Variants in DDX60L observed in about 807,000 individuals in gnomAD.
DDX60L encodes the protein DExD/H-box 60 like.
Under a neutral mutation model 211.6 loss-of-function variants are expected in DDX60L, and 191 were observed. The ratio of observed to expected loss-of-function variants is 0.90; its 90% confidence interval spans 0.80 to 1.02. The LOEUF (loss-of-function observed/expected upper bound fraction) is 1.02. Among genes scored for constraint, DDX60L ranks in the 50% least tolerant of loss-of-function variants. The pLI is 0.00. For synonymous variants in DDX60L, 706 were observed against 694.1 expected, an observed-to-expected ratio of 1.02 and a Z score of -0.27; for missense variants, 2,007 against 1,984.1, an observed-to-expected ratio of 1.01 and a Z score of -0.22.
chr4:168,388,269 G>A (rs1197714748), intron 29 of DDX60L, among the ~76,000 whole-genome samples: 1 of 152,182 alleles, frequency 6.6e-6, no homozygotes. Context: ...AAAGGGCTAG[G>A]ATTTCAATCA....
At chr4:168,468,903 G>A (rs1308076641) in intron 4 of DDX60L, 1 of 152,098 alleles carries the variant, frequency 6.6e-6, no homozygotes, top group Non-Finnish European at 1.5e-5. Context: ...AATAGATTTA[G>A]CAAAAGATGT....
At chr4:168,386,815 A>G (rs544885324) in intron 29 of DDX60L, among the ~76,000 whole-genome samples, 6 of 152,228 alleles carry the variant, frequency 3.9e-5, no homozygotes, top group Non-Finnish European at 8.8e-5. Context: ...AAGCAAGAAG[A>G]CAGAGATTAG....
chr4:168,427,338 AG>A lies in DDX60L; in HGVS notation c.1678-17del, dbSNP rs201145503. 9.5e-4 allele frequency: 1,528 copies of A among 1,603,388 alleles called. 11 individuals carry two copies. In the African/African-American group the frequency reaches 0.018, roughly 19 times the overall value. On this transcript the variant is annotated splice_polypyrimidine_tract_variant and intron_variant, in intron 13 of 37. Transcript: ENST00000682922. Reference sequence around the variant, plus strand: ...GTTTGGTATTCTGCTCAATAATAAAAGGAACATATGAAACAAGTGGGAAAAT... The same window carrying A: ...GTTTGGTATTCTGCTCAATAATAAAAGAACATATGAAACAAGTGGGAAAAT...
At position 168,371,702 on chromosome 4, in the gene DDX60L, A is replaced by C; in HGVS notation, c.4838T>G (p.Leu1613Ter). The C allele has an allele frequency of 2.5e-6, 4 of 1,612,422 alleles. No individual in the cohort carries two copies. The highest frequency in any genetic ancestry group is 3.4e-6 in the Non-Finnish European group (4 of 1,179,092). ...TGGCATTCTCCTTCCTCGGTTATCT[A>C]ATTTCCATGGCCACAGCAGAGGAGC... Reference protein sequence around the residue: ...TQAPLLWPWKLDNRGRRMPLN... With the variant: ...TQAPLLWPWK Residue 1613 changes from leucine (L) to a stop codon, truncating the protein, a stop_gained, in exon 36 of 38, where the codon TTA (leucine) becomes TGA (stop). Coordinates refer to ENST00000682922, the MANE Select transcript of DDX60L (RefSeq NM_001012967.3). LOFTEE classifies it high-confidence loss of function.
intron 16 of DDX60L, among the ~76,000 whole-genome samples, 194 bp downstream of exon 16, chr4:168,422,330 T>C (rs1204083884): frequency 6.6e-6 from 1 of 152,190 alleles, no homozygotes; most frequent in African/African-American, 2.4e-5. Context: ...CTTCCACTGA[T>C]GGTGAAAATA....
chr4:168,361,093 T>C, intron 37 of DDX60L, 56 bp downstream of exon 37: 1 of 1,244,430 alleles, frequency 8.0e-7, no homozygotes, highest in Non-Finnish European at 1.2e-6. Context: ...AAGAGCTATA[T>C]GTTTGCTAAA....
At position 168,422,056 on chromosome 4, in the gene DDX60L, T is replaced by G; in HGVS notation, c.2245-147A>C. ...CTGAACCCCTGAAGATTAGGTCTGGTGAACACTCGAAGGATTCAGGAAAAT... is the reference window on the plus strand; with the variant it reads ...CTGAACCCCTGAAGATTAGGTCTGGGGAACACTCGAAGGATTCAGGAAAAT... On this transcript the variant is annotated intron_variant, in intron 16 of 37. Transcript: ENST00000682922. The G allele has an allele frequency of 2.1e-6, 2 of 931,888 alleles. 1 individual carries two copies. The highest frequency in any genetic ancestry group is 3.5e-5 in the South Asian group (2 of 57,902). The allele number at this position is 931,888 out of a possible 1,614,324, so 57.7% of individuals were successfully genotyped here. A position where few individuals can be genotyped will look rare whatever the true frequency, so the allele number is the denominator to read the frequency against.
At chr4:168,477,325 G>A (rs558142380) in intron 1 of DDX60L, among the ~76,000 whole-genome samples, 2 of 151,878 alleles carry the variant, frequency 1.3e-5, no homozygotes, top group East Asian at 1.9e-4. Flanking sequence ...TGAGGCAGGA[G>A]AATGGCATAA....
At chr4:168,435,238 T>C (rs1022138338) in intron 10 of DDX60L, among the ~76,000 whole-genome samples, 2 of 152,158 alleles carry the variant, frequency 1.3e-5, no homozygotes, top group African/African-American at 2.4e-5. Flanking sequence ...ACAGACATAC[T>C]CAGCAACTCA....
At position 168,419,260 on chromosome 4, in the gene DDX60L, T is replaced by C. The variant is rs1330335354; in HGVS notation, c.2610+42A>G. ...TTTAAATTACAAATTATAGGGTGTA[T>C]GCAGACTAGAACATCAACCAGAGAA... On this transcript the variant is annotated intron_variant, in intron 19 of 37. Coordinates refer to ENST00000682922, the MANE Select transcript of DDX60L (RefSeq NM_001012967.3). 2.8e-6 allele frequency: 4 copies of C among 1,412,932 alleles called. No individual in the cohort carries two copies. The African/African-American group carries it at 4.3e-5, about 15-fold the overall frequency. 87.5% of individuals were successfully genotyped at this position (1,412,932 alleles called of 1,614,324 possible). A position where few individuals can be genotyped will look rare whatever the true frequency, so the allele number is the denominator to read the frequency against.
At chr4:168,390,090 T>C in intron 29 of DDX60L, 1 of 977,890 alleles carries the variant, frequency 1.0e-6, no homozygotes, top group Non-Finnish European at 1.2e-6. Flanking sequence ...GAGAAACAAA[T>C]AAAATCCATT....
chr4:168,453,199 T>C lies in DDX60L; in HGVS notation c.921A>G (p.Leu307=). The C allele has an allele frequency of 6.2e-7, 1 of 1,613,244 alleles. No homozygotes were observed. Among genetic ancestry groups the C allele is most frequent in the Non-Finnish European group, 8.5e-7 (1 of 1,179,544 alleles). The change falls in exon 8 of 38, where the codon TTA becomes TTG. Residue 307 remains leucine (L), a synonymous_variant. Transcript: ENST00000682922. ...GAGAACAAGCTCTCTGAGAAAGGGGTAAGTGGAGTTGAAAAGCCACACAGA... is the reference window on the plus strand; with the variant it reads ...GAGAACAAGCTCTCTGAGAAAGGGGCAAGTGGAGTTGAAAAGCCACACAGA... ...RCLCVAFQLH[L]PLSQRACSRV...
In DDX60L at chr4:168,416,665, T is replaced by G. The variant is rs770081948; in HGVS notation, c.2726+17A>C. On this transcript the variant is annotated intron_variant, in intron 20 of 37. Transcript: ENST00000682922. ...ACCACTGAATATATAACAACCACTCTTTTTACCTATACCTACTTGGTGAGA... is the reference window on the plus strand; with the variant it reads ...ACCACTGAATATATAACAACCACTCGTTTTACCTATACCTACTTGGTGAGA... 2.0e-6 allele frequency: 3 copies of G among 1,516,876 alleles called. No homozygotes were observed. The African/African-American group carries it at 4.2e-5, about 21-fold the overall frequency. The allele number at this position is 1,516,876 out of a possible 1,614,324, so 94.0% of individuals were successfully genotyped here. A position where few individuals can be genotyped will look rare whatever the true frequency, so the allele number is the denominator to read the frequency against.
At chr4:168,441,989 T>C (rs1753911760) in intron 9 of DDX60L, among the ~76,000 whole-genome samples, 1 of 152,022 alleles carries the variant, frequency 6.6e-6, no homozygotes, top group African/African-American at 2.4e-5. Flanking sequence ...TTACAGAATA[T>C]GGGGGAGGAG....
intron 22 of DDX60L, among the ~76,000 whole-genome samples, chr4:168,410,523 A>G (rs1315943911): frequency 6.6e-6 from 1 of 152,236 alleles, no homozygotes; most frequent in Non-Finnish European, 1.5e-5. Flanking sequence ...GGACAGGATC[A>G]GAATTATGTT....
chr4:168,468,454 A>G (rs2150129927), intron 4 of DDX60L, among the ~76,000 whole-genome samples: 1 of 152,270 alleles, frequency 6.6e-6, no homozygotes, highest in Non-Finnish European at 1.5e-5. Context: ...TATTAATTAT[A>G]GAAACTCTCA....
At chr4:168,462,537 G>A (rs924332120) in intron 4 of DDX60L, among the ~76,000 whole-genome samples, 1 of 152,172 alleles carries the variant, frequency 6.6e-6, no homozygotes, top group Non-Finnish European at 1.5e-5. Flanking sequence ...ATATGGTCAG[G>A]CACAGTGGCT....
chr4:168,409,556 T>C (rs1170187925), intron 22 of DDX60L, among the ~76,000 whole-genome samples: 1 of 152,184 alleles, frequency 6.6e-6, no homozygotes, highest in East Asian at 1.9e-4. Flanking sequence ...GTCAGAGAAA[T>C]AGGGAGGGAT....
intron 28 of DDX60L, 77 bp from the exon 29 acceptor site, chr4:168,391,721 G>T: frequency 5.5e-6 from 4 of 725,908 alleles, no homozygotes; most frequent in Non-Finnish European, 8.6e-6. Context: ...TTCCACTCCA[G>T]TCACTGAACA....
Sources: allele counts gnomAD v4.1 joint callset (sites outside exome capture counted in the v4.1 genomes callset), GRCh38; gene constraint gnomAD v4.1.1; transcripts MANE v1.5; gene names NCBI Gene and HGNC (gene_info 2026-07-23, HGNC 2026-07-21).